The following TASP1 variants were observed in gnomAD, a reference collection of about 807,000 sequenced individuals.
The protein encoded by TASP1 is taspase 1, also known as threonine aspartase 1.
In TASP1, 16 loss-of-function variants were observed where a neutral mutation model predicts 56.6. The observed-to-expected ratio is 0.28, with a 90% CI of 0.19 to 0.43. The LOEUF (loss-of-function observed/expected upper bound fraction) is 0.43. Among genes scored for constraint, TASP1 ranks in the 20% least tolerant of loss-of-function variants. The pLI, the probability that TASP1 is intolerant of heterozygous loss-of-function variation, is 1.00. For missense variants in TASP1, 393 were observed against 511.6 expected, an observed-to-expected ratio of 0.77 and a Z score of 2.24; for synonymous variants, 179 against 184.2, an observed-to-expected ratio of 0.97 and a Z score of 0.23.
At chr20:13,296,454 CTAT>C in the TASP1 span, among the ~76,000 whole-genome samples, 1 of 152,190 alleles carries the variant, frequency 6.6e-6, no homozygotes, top group African/African-American at 2.4e-5. Flanking sequence ...TGTTATCTCC[CTAT>C]TATTGCAATG....
At chr20:13,309,663 G>T in the TASP1 span, among the ~76,000 whole-genome samples, 1 of 152,170 alleles carries the variant, frequency 6.6e-6, no homozygotes, top group Admixed American at 6.5e-5. Context: ...ATTTATCTCT[G>T]TTTGCAGATG....
At chr20:13,614,205 C>T (rs1375287521) in intron 4 of TASP1, among the ~76,000 whole-genome samples, 1 of 152,098 alleles carries the variant, frequency 6.6e-6, no homozygotes, top group African/African-American at 2.4e-5. Context: ...GTTGAGAGAA[C>T]ATTTGTTTGC....
At chr20:13,186,592 T>C in the TASP1 span, among the ~76,000 whole-genome samples, 6 of 152,170 alleles carry the variant, frequency 3.9e-5, no homozygotes, top group African/African-American at 1.4e-4. Flanking sequence ...AACACTCCCC[T>C]TCCCCAACAC....
At chr20:13,267,633 C>T in the TASP1 span, among the ~76,000 whole-genome samples, 1 of 152,144 alleles carries the variant, frequency 6.6e-6, no homozygotes, top group Non-Finnish European at 1.5e-5. Context: ...TGGTGAATTT[C>T]CTACCAGGAA....
At chr20:13,412,073 A>C (rs1245396144) in intron 13 of TASP1, among the ~76,000 whole-genome samples, 1 of 152,148 alleles carries the variant, frequency 6.6e-6, no homozygotes, top group African/African-American at 2.4e-5. Context: ...TATTTGGTGA[A>C]AATCTTATGC....
chr20:13,341,718 A>T, the TASP1 span, among the ~76,000 whole-genome samples: 1 of 152,180 alleles, frequency 6.6e-6, no homozygotes, highest in African/African-American at 2.4e-5. Flanking sequence ...ACAAACTTCT[A>T]TCATTTTTCA....
the TASP1 span, chr20:13,160,183 A>G: frequency 6.5e-7 from 1 of 1,546,388 alleles, no homozygotes; most frequent in Non-Finnish European, 8.8e-7. Flanking sequence ...CTTGGATTCA[A>G]AGCAAGTCCT....
intron 13 of TASP1, chr20:13,393,663 T>G (rs1337652041): frequency 7.7e-7 from 1 of 1,304,348 alleles, no homozygotes; most frequent in Non-Finnish European, 1.1e-6. Flanking sequence ...CCACATGGCC[T>G]CCAAGGAATA....
At chr20:13,119,350 C>T in the TASP1 span, among the ~76,000 whole-genome samples, 1 of 152,174 alleles carries the variant, frequency 6.6e-6, no homozygotes, top group Non-Finnish European at 1.5e-5. Context: ...TAAACAAAGG[C>T]TCGCGACTAG....
At chr20:13,582,851 T>C (rs1442554730) in intron 5 of TASP1, among the ~76,000 whole-genome samples, 4 of 152,158 alleles carry the variant, frequency 2.6e-5, no homozygotes, top group Non-Finnish European at 5.9e-5. Flanking sequence ...ATGGGCCCTC[T>C]AAGTACGTTT....
At chr20:13,114,307 T>C in the TASP1 span, among the ~76,000 whole-genome samples, 1 of 152,362 alleles carries the variant, frequency 6.6e-6, no homozygotes, top group South Asian at 2.1e-4. Flanking sequence ...TTTCATTAAG[T>C]ATCATTTTAA....
chr20:13,401,409 A>G (rs116650644), intron 13 of TASP1, among the ~76,000 whole-genome samples: 2,548 of 152,284 alleles, frequency 0.017, 73 homozygotes, highest in African/African-American at 0.056. Context: ...GTCACTCATT[A>G]AAGAGCTGTC....
chr20:13,442,143 A>C (rs1232314830), intron 11 of TASP1, among the ~76,000 whole-genome samples: 1 of 151,922 alleles, frequency 6.6e-6, no homozygotes, highest in Non-Finnish European at 1.5e-5. Context: ...TTCCCCCCAT[A>C]AACTGAGTCT....
the TASP1 span, among the ~76,000 whole-genome samples, chr20:13,312,908 T>C: frequency 6.6e-6 from 1 of 152,210 alleles, no homozygotes; most frequent in South Asian, 2.1e-4. Flanking sequence ...AATGTGGAAA[T>C]GGTATCTTTG....
the TASP1 span, among the ~76,000 whole-genome samples, chr20:13,157,564 G>T: frequency 1.3e-5 from 2 of 151,884 alleles, no homozygotes; most frequent in African/African-American, 4.8e-5. Context: ...TCAAGCTTTA[G>T]TCCATAGGAA....
chr20:13,421,114 T>A (rs1289210182), intron 12 of TASP1, among the ~76,000 whole-genome samples: 1 of 150,168 alleles, frequency 6.7e-6, no homozygotes, highest in Non-Finnish European at 1.5e-5. Flanking sequence ...CCTTCTTTTT[T>A]TTTTTTTTTT....
the TASP1 span, among the ~76,000 whole-genome samples, chr20:13,360,499 G>A: frequency 0.2 from 30,565 of 149,304 alleles, 2,789 homozygotes; most frequent in African/African-American, 0.37. Context: ...TGGTTAGCGC[G>A]GTCAGAATTC....
intron 13 of TASP1, chr20:13,393,027 G>C (rs901818964): frequency 2.4e-5 from 14 of 585,638 alleles, no homozygotes; most frequent in African/African-American, 2.0e-4. Flanking sequence ...GAGCCAAAAG[G>C]GTCATCATCT....
chr20:13,589,273 T>A (rs959862118), intron 4 of TASP1, among the ~76,000 whole-genome samples: 4 of 152,034 alleles, frequency 2.6e-5, no homozygotes, highest in African/African-American at 9.7e-5. Context: ...TTAGCCAGGA[T>A]GGTCTCGATC....
Sources: allele counts gnomAD v4.1 joint callset (sites outside exome capture counted in the v4.1 genomes callset), GRCh38; gene constraint gnomAD v4.1.1; transcripts MANE v1.5; gene names NCBI Gene and HGNC (gene_info 2026-07-23, HGNC 2026-07-21).